Variants in NDUFAF6 observed in about 807,000 individuals in gnomAD.
NDUFAF6 encodes NADH dehydrogenase (ubiquinone) complex I, assembly factor 6.
Under a neutral mutation model 40.8 loss-of-function variants are expected in NDUFAF6, and 45 were observed. That is an observed-to-expected ratio of 1.10 (90% CI 0.87 to 1.42). The LOEUF (loss-of-function observed/expected upper bound fraction) is 1.42. NDUFAF6 is among the 40% of genes most tolerant of loss of function. The pLI is 0.00. For synonymous variants in NDUFAF6, 185 were observed against 155.9 expected, an observed-to-expected ratio of 1.19 and a Z score of -1.39; for missense variants, 435 against 418.5, an observed-to-expected ratio of 1.04 and a Z score of -0.34.
At chr8:94,934,029 A>G (rs1449681733) in intron 1 of NDUFAF6, among the ~76,000 whole-genome samples, 6 of 151,672 alleles carry the variant, frequency 4.0e-5, no homozygotes, top group Non-Finnish European at 8.8e-5. Context: ...GTGAGCCAAG[A>G]TTGCAACATT....
upstream of NDUFAF6, among the ~76,000 whole-genome samples, chr8:94,957,502 C>T (rs1427731898): frequency 6.6e-6 from 1 of 152,134 alleles, no homozygotes; most frequent in Non-Finnish European, 1.5e-5. Context: ...AAAAATAAGA[C>T]AGCGTGGTAG....
chr8:95,086,435 C>G (rs1327996858), intron 2 of NDUFAF6, among the ~76,000 whole-genome samples: 1 of 152,158 alleles, frequency 6.6e-6, no homozygotes, highest in Admixed American at 6.5e-5. Flanking sequence ...TGGCAGCACC[C>G]AGTCCCTAGT....
intron 1 of NDUFAF6, chr8:94,931,927 A>C: frequency 2.8e-6 from 2 of 702,236 alleles, no homozygotes; most frequent in South Asian, 4.5e-5. Context: ...AGCCAATATC[A>C]CACCATTGCA....
intron 8 of NDUFAF6, among the ~76,000 whole-genome samples, chr8:95,054,303 A>G (rs1418068547): frequency 2.6e-5 from 4 of 151,840 alleles, no homozygotes; most frequent in African/African-American, 2.4e-5. Context: ...TCATAGACCA[A>G]TGGTTCCCAA....
intron 1 of NDUFAF6, among the ~76,000 whole-genome samples, chr8:94,958,573 C>T (rs147147509): frequency 0.012 from 1,361 of 114,164 alleles, 14 homozygotes; most frequent in Non-Finnish European, 0.013. Flanking sequence ...CTTGCTCTGT[C>T]GCTCAGGCTA....
At chr8:94,911,666 A>T (rs1818789140) in intron 1 of NDUFAF6, among the ~76,000 whole-genome samples, 1 of 152,264 alleles carries the variant, frequency 6.6e-6, no homozygotes, top group South Asian at 2.1e-4. Context: ...CTGGTACCTC[A>T]GTTATTACTA....
downstream of NDUFAF6, among the ~76,000 whole-genome samples, chr8:95,077,526 G>A (rs914934540): frequency 3.3e-5 from 5 of 152,238 alleles, no homozygotes; most frequent in East Asian, 1.9e-4. Flanking sequence ...AGGACAGAGC[G>A]AATGGCAGAT....
chr8:94,926,366 CT>C (rs771587683), intron 1 of NDUFAF6: 1 of 151,372 alleles, frequency 6.6e-6, no homozygotes, highest in Non-Finnish European at 1.5e-5. Context: ...TGCCCTGCCC[CT>C]ATAAAGGAAA....
intron 5 of NDUFAF6, among the ~76,000 whole-genome samples, chr8:95,046,082 G>T (rs1406584726): frequency 6.9e-6 from 1 of 145,734 alleles, no homozygotes; most frequent in African/African-American, 2.8e-5. Context: ...TTTATTTTAT[G>T]ATGGAGTCTC....
At chr8:94,902,032 T>A (rs951795355) in intron 1 of NDUFAF6, among the ~76,000 whole-genome samples, 3 of 152,150 alleles carry the variant, frequency 2.0e-5, no homozygotes, top group Non-Finnish European at 4.4e-5. Context: ...CATTCCATCT[T>A]ATTTTCTGGT....
intron 1 of NDUFAF6, among the ~76,000 whole-genome samples, chr8:94,942,900 C>T (rs1821680388): frequency 6.6e-6 from 1 of 152,150 alleles, no homozygotes; most frequent in African/African-American, 2.4e-5. Flanking sequence ...TGAGCAGGAA[C>T]CAGGTCCTGC....
At chr8:95,113,106 G>T (rs75735850) in intron 4 of NDUFAF6, among the ~76,000 whole-genome samples, 85 of 152,346 alleles carry the variant, frequency 5.6e-4, no homozygotes, top group African/African-American at 2.0e-3. Context: ...CTGAAGTTCA[G>T]TGATGTGCCG....
chr8:95,058,320 GC>G lies in NDUFAF6; in HGVS notation c.*384del. 1 of 1,265,530 alleles carries G rather than the reference GC, an allele frequency of 7.9e-7. No homozygotes were observed. The allele number at this position is 1,265,530 out of a possible 1,614,324, so 78.4% of individuals were successfully genotyped here. The stretch of plus-strand genomic sequence containing the variant: ...GGAAAGGGCTCAAGTTATCATAGGG[GC>G]TTACATGCTGAGCAGCTATAACCTA... On this transcript the variant is annotated 3_prime_UTR_variant, in exon 9 of 9. Transcript: ENST00000396124.
At chr8:95,005,554 A>ATAT (rs1554657858) in intron 2 of NDUFAF6, among the ~76,000 whole-genome samples, 43,129 of 114,836 alleles carry the variant, frequency 0.38, 8,962 homozygotes, top group East Asian at 0.47. Context: ...TATATATATA[A>ATAT]AAAATATATT....
intron 1 of NDUFAF6, chr8:94,929,811 C>T (rs1820218786): frequency 6.6e-6 from 1 of 152,290 alleles, no homozygotes; most frequent in Non-Finnish European, 1.5e-5. Context: ...CCTGTAATGT[C>T]TGTACCACGT....
chr8:95,095,585 T>A (rs953504605), upstream of NDUFAF6, among the ~76,000 whole-genome samples: 6 of 152,088 alleles, frequency 3.9e-5, no homozygotes, highest in African/African-American at 1.4e-4. Context: ...CAGTCTCTCC[T>A]AAATTTTGTG....
At chr8:95,007,580 C>T (rs1290655872) in intron 2 of NDUFAF6, among the ~76,000 whole-genome samples, 1 of 150,558 alleles carries the variant, frequency 6.6e-6, no homozygotes, top group Non-Finnish European at 1.5e-5. Context: ...AGGAGGATCG[C>T]TTGAGCCTGG....
intron 4 of NDUFAF6, among the ~76,000 whole-genome samples, chr8:95,042,334 G>T (rs1011058036): frequency 3.3e-5 from 5 of 152,206 alleles, no homozygotes; most frequent in Non-Finnish European, 7.3e-5. Context: ...ATGGAAATAT[G>T]TAAGTTTACT....
exon 6 of NDUFAF6, chr8:95,116,328 T>C (rs1457608050): frequency 6.6e-6 from 1 of 152,020 alleles, no homozygotes; most frequent in Non-Finnish European, 1.5e-5. Context: ...ATCATGCTTT[T>C]TACAAGTGAC....
Sources: gnomAD v4.1 joint callset for allele counts (sites outside exome capture counted in the v4.1 genomes callset) on GRCh38, gnomAD v4.1.1 for gene constraint, MANE v1.5 for transcripts, NCBI Gene and HGNC (gene_info 2026-07-23, HGNC 2026-07-21) for gene names.